ZAR1: variants seen among roughly 807,000 people sequenced by gnomAD.
ZAR1 encodes the protein zygote arrest protein 1.
ZAR1 carries 37 observed loss-of-function variants against 38.3 expected under a neutral mutation model. The observed-to-expected ratio is 0.97, with a 90% confidence interval of 0.74 to 1.27. The LOEUF (loss-of-function observed/expected upper bound fraction) is 1.27. ZAR1 is among the 50% of genes most tolerant of loss of function. The pLI, the probability that ZAR1 is intolerant of heterozygous loss-of-function variation, is 0.00. For missense variants in ZAR1, 651 were observed against 632.4 expected (o/e 1.03, Z -0.32); for synonymous variants, 336 against 292.0 (o/e 1.15, Z -1.53).
intron 1 of ZAR1, among the ~76,000 whole-genome samples, 165 bp from the exon 2 acceptor site, chr4:48,492,601 A>G (rs542656992): frequency 6.6e-6 from 1 of 152,334 alleles, no homozygotes; most frequent in South Asian, 2.1e-4. Context: ...CTAGGCTATT[A>G]AGCTCACTTA....
In ZAR1 at chr4:48,494,372, A is replaced by T; in HGVS notation, c.*128A>T. ...GTGTATTCTGAAAAAGCCTTCAAAT[A>T]AAGGTATTGCAACACGATTTATACA... On this transcript the variant is annotated 3_prime_UTR_variant, in exon 4 of 4. Transcript: ENST00000327939. The T allele has an allele frequency of 8.1e-7, 1 of 1,229,438 alleles. No homozygotes were observed. The highest frequency in any genetic ancestry group is 2.6e-4 in the Middle Eastern group (1 of 3,814). The allele number at this position is 1,229,438 out of a possible 1,614,324, so 76.2% of individuals were successfully genotyped here.
intron 1 of ZAR1, among the ~76,000 whole-genome samples, chr4:48,492,017 G>A (rs1269332087): frequency 6.6e-6 from 1 of 152,206 alleles, no homozygotes; most frequent in African/African-American, 2.4e-5. Context: ...TTTGAGGGGC[G>A]GGGTTGGTGG....
intron 3 of ZAR1, among the ~76,000 whole-genome samples, chr4:48,493,483 A>T (rs1282476089): frequency 6.6e-6 from 1 of 152,240 alleles, no homozygotes; most frequent in Non-Finnish European, 1.5e-5. Flanking sequence ...GGAGTTGACT[A>T]TAATGGTAAG....
Position 48,494,092 on chromosome 4 carries a change from T to C in ZAR1, c.1132-9T>C, listed in dbSNP as rs771579106. The C allele has an allele frequency of 1.9e-6, 3 of 1,609,358 alleles. No homozygotes were observed. Among genetic ancestry groups the C allele is most frequent in the Non-Finnish European group, 2.5e-6 (3 of 1,176,674 alleles). ...CTTCTGCATGCCCTTCTGTATTTTT[T>C]TCCCCCAGAGTTGTAAACAAACGAG... On this transcript the variant is annotated splice_polypyrimidine_tract_variant and intron_variant, in intron 3 of 3. Coordinates refer to ENST00000327939, the MANE Select transcript of ZAR1 (RefSeq NM_175619.3).
At chr4:48,494,975 A>G (rs543410677), downstream of ZAR1, among the ~76,000 whole-genome samples, 2 of 152,210 alleles carry the variant, frequency 1.3e-5, no homozygotes, top group East Asian at 3.9e-4. Flanking sequence ...TGCTTTTAAG[A>G]CACTGAATAA....
In ZAR1 at chr4:48,490,989, C is replaced by T. The variant is rs1313359662; in HGVS notation, c.698C>T (p.Ala233Val). Residue 233 changes from alanine to valine, a missense_variant, in exon 1 of 4, where the codon GCG becomes GTG. Ala to Val is a moderately conservative substitution (Grantham distance 64). Transcript: ENST00000327939. ...PEEGEVWTKK[A>V]PRRPQSDDDG... ...GAGGGGGAGGTGTGGACGAAGAAGGCGCCCCGGCGGCCGCAGTCCGACGAC... is the reference window on the plus strand; with the variant it reads ...GAGGGGGAGGTGTGGACGAAGAAGGTGCCCCGGCGGCCGCAGTCCGACGAC... 2 of 1,355,612 alleles carry T rather than the reference C, an allele frequency of 1.5e-6. No individual in the cohort carries two copies. The highest frequency in any genetic ancestry group is 3.1e-5 in the African/African-American group (2 of 65,274). 84.0% of individuals were successfully genotyped at this position (1,355,612 alleles called of 1,614,324 possible). A position where few individuals can be genotyped will look rare whatever the true frequency, so the allele number is the denominator to read the frequency against.
downstream of ZAR1, among the ~76,000 whole-genome samples, chr4:48,495,866 C>G (rs1412130097): frequency 1.3e-5 from 2 of 152,116 alleles, no homozygotes; most frequent in Non-Finnish European, 1.5e-5. Flanking sequence ...AGGGGGAGGC[C>G]ACAGTGTGAG....
chr4:48,490,905 G>A lies in ZAR1; in HGVS notation c.614G>A (p.Arg205Lys). ...EGPGPAAGEQ[R>K]SGASDGERGP... Reference sequence around the variant, plus strand: ...CCCGGGCCCGCGGCGGGCGAGCAGAGGTCCGGGGCGTCGGACGGAGAGAGG... The same window carrying A: ...CCCGGGCCCGCGGCGGGCGAGCAGAAGTCCGGGGCGTCGGACGGAGAGAGG... The change falls in exon 1 of 4, where the codon AGG becomes AAG. Residue 205 changes from arginine (R) to lysine (K), a missense_variant. By Grantham distance (26) the Arg-to-Lys change is conservative. Around this residue, in one of 2 missense-constraint regions of ZAR1, gnomAD observed 522 missense variants for 459.9 expected, o/e 1.14. Coordinates refer to ENST00000327939, the MANE Select transcript of ZAR1 (RefSeq NM_175619.3). The A allele has an allele frequency of 8.0e-6, 11 of 1,369,048 alleles. No homozygotes were observed. The highest frequency in any genetic ancestry group is 9.4e-6 in the Non-Finnish European group (10 of 1,065,922). 84.8% of individuals were successfully genotyped at this position (1,369,048 alleles called of 1,614,324 possible).
intron 3 of ZAR1, among the ~76,000 whole-genome samples, chr4:48,493,467 T>TTATGGGGAG (rs1718500645): frequency 1.3e-5 from 2 of 152,176 alleles, no homozygotes; most frequent in Non-Finnish European, 2.9e-5. Flanking sequence ...TTGTCTAGCT[T>TTATGGGGAG]TATGGGGAGT....
Position 48,490,351 on chromosome 4 carries a change from C to T in ZAR1, c.60C>T (p.Cys20=), listed in dbSNP as rs910113016. 41 of 1,514,046 alleles carry T rather than the reference C, an allele frequency of 2.7e-5. No individual in the cohort carries two copies. The African/African-American group carries it at 4.6e-4, about 17-fold the overall frequency. 93.8% of individuals were successfully genotyped at this position (1,514,046 alleles called of 1,614,324 possible). The change falls in exon 1 of 4, where the codon TGC becomes TGT. Residue 20 remains cysteine, a synonymous_variant. Transcript: ENST00000327939. ...DGYVFPACPP[C]SYRYPYPAAT... is the part of the protein sequence containing the mutation. ...ACGTGTTCCCGGCGTGCCCCCCCTG[C>T]TCGTACCGGTACCCATACCCCGCGG... is the stretch of plus-strand genomic sequence containing the variant.
chr4:48,491,823 A>G (rs182007098), intron 1 of ZAR1, among the ~76,000 whole-genome samples: 1 of 152,366 alleles, frequency 6.6e-6, no homozygotes, highest in African/African-American at 2.4e-5. Context: ...CAGAAATCCA[A>G]TACTGCGAAA....
rs767698163 is a variant in ZAR1 at position 48,490,483 on chromosome 4, G to A, written c.192G>A (p.Pro64=). The A allele has an allele frequency of 4.1e-6, 6 of 1,469,962 alleles. No homozygotes were observed. The highest frequency in any genetic ancestry group is 5.0e-5 in the Admixed American group (2 of 39,832). The allele number at this position is 1,469,962 out of a possible 1,614,324, so 91.1% of individuals were successfully genotyped here. The change falls in exon 1 of 4, where the codon CCG becomes CCA. Residue 64 remains proline, a synonymous_variant. Transcript: ENST00000327939. The part of the protein sequence containing the change: ...CSAGAASLSF[P]GCGRLTAAEY... ...CGGGCGCGGCCTCGTTGTCCTTCCC[G>A]GGCTGCGGGCGGCTGACGGCCGCCG...
chr4:48,493,080 A>T, intron 3 of ZAR1, 68 bp downstream of exon 3: 1 of 1,488,570 alleles, frequency 6.7e-7, no homozygotes, highest in Non-Finnish European at 9.3e-7. Context: ...TAGTTTGAGT[A>T]TACTTCCAAA....
At chr4:48,495,581 A>G (rs1297913193), downstream of ZAR1, among the ~76,000 whole-genome samples, 11 of 150,812 alleles carry the variant, frequency 7.3e-5, no homozygotes, top group Non-Finnish European at 1.3e-4. Context: ...TGTGCTCGGT[A>G]GAGAAGAGGT....
At chr4:48,495,775 G>A (rs140273821), downstream of ZAR1, among the ~76,000 whole-genome samples, 39 of 152,208 alleles carry the variant, frequency 2.6e-4, no homozygotes, top group East Asian at 6.4e-3. Flanking sequence ...CAAATGAGTC[G>A]AATGAGGCAA....
At chr4:48,496,759 CTG>C (rs1476500896), downstream of ZAR1, among the ~76,000 whole-genome samples, 3 of 152,290 alleles carry the variant, frequency 2.0e-5, no homozygotes, top group East Asian at 1.9e-4. Flanking sequence ...AGAGAAGTAA[CTG>C]TAGTTTTCTT....
In ZAR1 at chr4:48,492,603, G is replaced by A. The variant is rs114091204; in HGVS notation, c.964-163G>A. ...CTTAATTGTTTGACTAGGCTATTAA[G>A]CTCACTTAATTACTGTATTGAAGAG... On this transcript the variant is annotated intron_variant, in intron 1 of 3. Transcript: ENST00000327939. 9.7e-3 allele frequency among the ~76,000 whole-genome samples: 1,474 copies of A among 152,288 alleles called. 21 individuals carry two copies. The highest frequency in any genetic ancestry group is 0.033 in the African/African-American group (1,362 of 41,554).
downstream of ZAR1, chr4:48,494,423 A>T: frequency 1.2e-6 from 1 of 812,706 alleles, no homozygotes; most frequent in Non-Finnish European, 1.9e-6. Flanking sequence ...CTTTGAAAAT[A>T]AAGTTTCAAG....
chr4:48,491,549 G>T lies in ZAR1; in HGVS notation c.963+295G>T, dbSNP rs563531026. ...GCACTGTAAACCTCGCGCAGTGGGC[G>T]CATAGGCCAGCCCTGACCGCACGGT... On this transcript the variant is annotated intron_variant, in intron 1 of 3. Transcript: ENST00000327939. Among the ~76,000 whole-genome samples, 10 of 131,518 alleles carry T rather than the reference G, an allele frequency of 7.6e-5. No homozygotes were observed. In the East Asian group the frequency reaches 2.3e-3, roughly 30 times the overall value. 86.3% of individuals were successfully genotyped at this position (131,518 alleles called of 152,430 possible).
Sources: allele counts gnomAD v4.1 joint callset (sites outside exome capture counted in the v4.1 genomes callset), GRCh38; gene constraint gnomAD v4.1.1; regional missense constraint gnomAD v4.1.1; transcripts MANE v1.5; gene names NCBI Gene and HGNC (gene_info 2026-07-23, HGNC 2026-07-21).